NUP210L: variants seen among roughly 807,000 people sequenced by gnomAD.
NUP210L encodes the protein nucleoporin 210 like.
A neutral mutation model predicts 208.5 loss-of-function variants in NUP210L; 74 were observed. That is an observed-to-expected ratio of 0.35 (90% confidence interval 0.29 to 0.43). The LOEUF (loss-of-function observed/expected upper bound fraction) is 0.43, where lower values mean the gene tolerates loss of function less well. Ranked by LOEUF, NUP210L falls within the 20% of genes least tolerant of loss-of-function variation. NUP210L has a pLI of 1.00. For missense variants in NUP210L, 1,843 were observed against 2,289.4 expected (o/e 0.81, Z 3.98); for synonymous variants, 780 against 816.9 (o/e 0.95, Z 0.77).
At chr1:154,118,117 C>A (rs1657425728) in intron 11 of NUP210L, among the ~76,000 whole-genome samples, 1 of 152,094 alleles carries the variant, frequency 6.6e-6, no homozygotes, top group South Asian at 2.1e-4. Flanking sequence ...CGAGACCAGC[C>A]TGGCCAACAT....
exon 38 of NUP210L, chr1:153,995,141 C>T: frequency 6.2e-7 from 1 of 1,613,944 alleles, no homozygotes; most frequent in Non-Finnish European, 8.5e-7. Context: ...CTGGTAAGAG[C>T]CAGTGAACCG....
chr1:154,024,005 G>A (rs1008229315), intron 30 of NUP210L, among the ~76,000 whole-genome samples: 2 of 151,512 alleles, frequency 1.3e-5, no homozygotes, highest in African/African-American at 4.9e-5. Flanking sequence ...TGGCCAGGTT[G>A]GTCTTGAACT....
chr1:154,032,812 A>G (rs1652307716), intron 27 of NUP210L, among the ~76,000 whole-genome samples: 1 of 149,890 alleles, frequency 6.7e-6, no homozygotes, highest in Non-Finnish European at 1.5e-5. Flanking sequence ...CAGCTACTCC[A>G]GAGGCTGGGA....
chr1:153,996,270 T>C (rs549528156), intron 37 of NUP210L, among the ~76,000 whole-genome samples: 10 of 152,138 alleles, frequency 6.6e-5, no homozygotes, highest in South Asian at 6.2e-4. Context: ...CCAGCCTGGG[T>C]GACAGAGCCA....
chr1:154,061,533 C>T, intron 18 of NUP210L, 53 bp downstream of exon 18: 1 of 1,055,096 alleles, frequency 9.5e-7, no homozygotes, highest in Non-Finnish European at 1.4e-6. Context: ...TAAAGAAGAG[C>T]TTTACATTCC....
chr1:154,028,769 C>G (rs978386082), intron 28 of NUP210L, among the ~76,000 whole-genome samples: 3 of 151,760 alleles, frequency 2.0e-5, no homozygotes, highest in African/African-American at 7.3e-5. Context: ...AGACTACTCA[C>G]CTGCAAGTAC....
chr1:154,108,068 C>T (rs888767619), intron 12 of NUP210L, among the ~76,000 whole-genome samples: 1 of 152,074 alleles, frequency 6.6e-6, no homozygotes, highest in African/African-American at 2.4e-5. Context: ...ATAACTATAA[C>T]AACTATTCAA....
chr1:154,064,384 G>T (rs931980774), intron 17 of NUP210L, among the ~76,000 whole-genome samples: 12 of 152,228 alleles, frequency 7.9e-5, no homozygotes, highest in South Asian at 4.1e-4. Flanking sequence ...ATGAGGGCTT[G>T]TTGCCTTTTT....
At chr1:154,074,410 T>C (rs1451417314) in intron 16 of NUP210L, among the ~76,000 whole-genome samples, 1 of 152,142 alleles carries the variant, frequency 6.6e-6, no homozygotes, top group Non-Finnish European at 1.5e-5. Flanking sequence ...AATTTATTTT[T>C]CTTCTCTTTC....
intron 12 of NUP210L, among the ~76,000 whole-genome samples, chr1:154,116,069 C>A (rs951494434): frequency 1.3e-5 from 2 of 151,910 alleles, no homozygotes; most frequent in Non-Finnish European, 2.9e-5. Flanking sequence ...GCCTGGCTAG[C>A]ACGGTGAAAC....
intron 3 of NUP210L, 93 bp downstream of exon 3, chr1:154,143,353 T>C: frequency 9.6e-7 from 1 of 1,041,620 alleles, no homozygotes; most frequent in Non-Finnish European, 1.4e-6. Context: ...TCTAATCTAC[T>C]TTTGCCACTC....
At chr1:154,113,885 G>T (rs1232811303) in intron 12 of NUP210L, among the ~76,000 whole-genome samples, 1 of 143,788 alleles carries the variant, frequency 7.0e-6, no homozygotes, top group East Asian at 2.0e-4. Context: ...AAAAAGCCGG[G>T]TGTGGTGGCT....
chr1:154,063,552 C>G (rs1202327613), intron 17 of NUP210L, among the ~76,000 whole-genome samples: 1 of 152,194 alleles, frequency 6.6e-6, no homozygotes, highest in East Asian at 1.9e-4. Flanking sequence ...AGTCAGCAGT[C>G]AGGACTACAG....
At chr1:154,055,120 TTCTTTTC>T (rs1653748233) in intron 23 of NUP210L, among the ~76,000 whole-genome samples, 6 of 131,980 alleles carry the variant, frequency 4.5e-5, no homozygotes, top group African/African-American at 2.1e-4. Context: ...TTCTCTTTCT[TTCTTTTC>T]TTTCTTTCTT....
chr1:154,025,422 C>A (rs1356020140), intron 30 of NUP210L, 120 bp downstream of exon 30: 722 of 250,678 alleles, frequency 2.9e-3, no homozygotes, highest in Middle Eastern at 0.011. Context: ...TTTTCTTTTT[C>A]TTTTTTTCTT....
chr1:154,006,966 A>ATATATATATTT lies in NUP210L; in HGVS notation c.4930+3005_4930+3006insAAATATATATA, dbSNP rs1211789619. On this transcript the variant is annotated intron_variant, in intron 35 of 39. Transcript: ENST00000368559. ...TGTGTGTATATATATATATATATAT[A>ATATATATATTT]TTTTTTTTTTTTTTTTAAATGGAGT... 6.9e-5 allele frequency among the ~76,000 whole-genome samples: 8 copies of ATATATATATTT among 115,784 alleles called. No homozygotes were observed. In the South Asian group the frequency reaches 1.4e-3, roughly 20 times the overall value. The allele number at this position is 115,784 out of a possible 152,430, so 76.0% of individuals were successfully genotyped here.
exon 5 of NUP210L, chr1:154,139,819 G>T (rs779436700): frequency 1.2e-6 from 2 of 1,612,194 alleles, no homozygotes; most frequent in South Asian, 2.2e-5. Flanking sequence ...AATGGTTCAT[G>T]AATTCGAACT....
intron 12 of NUP210L, among the ~76,000 whole-genome samples, chr1:154,114,763 T>C (rs1657226369): frequency 8.4e-6 from 1 of 119,602 alleles, no homozygotes. Flanking sequence ...CCTGGTTAAT[T>C]TTTTTTTTAA....
chr1:154,057,690 A>ATGTGTGTGTGTGTGTG (rs4060104), intron 22 of NUP210L, among the ~76,000 whole-genome samples: 1 of 125,482 alleles, frequency 8.0e-6, no homozygotes, highest in Non-Finnish European at 1.7e-5. Flanking sequence ...AGGACCTCGA[A>ATGTGTGTGTGTGTGTG]TGTGTGTGTG....
Sources: allele counts gnomAD v4.1 joint callset (sites outside exome capture counted in the v4.1 genomes callset), GRCh38; gene constraint gnomAD v4.1.1; transcripts MANE v1.5; gene names NCBI Gene and HGNC (gene_info 2026-07-23, HGNC 2026-07-21).